Variants in MEI1 observed in about 807,000 individuals in gnomAD.
MEI1 encodes meiotic double-stranded break formation protein 1, also known as meiosis inhibitor protein 1.
MEI1 carries 103 observed loss-of-function variants against 146.2 expected under a neutral mutation model. The observed-to-expected ratio is 0.70, with a 90% CI of 0.60 to 0.83. The LOEUF is 0.83. Among genes scored for constraint, MEI1 ranks in the 40% least tolerant of loss-of-function variants. The pLI is 0.00. For synonymous variants in MEI1, 652 were observed against 628.2 expected (o/e 1.04, Z -0.57); for missense variants, 1,529 against 1,533.0 (o/e 1.00, Z 0.04).
At chr22:41,727,739 C>T (rs943489996) in intron 7 of MEI1, among the ~76,000 whole-genome samples, 29 of 152,016 alleles carry the variant, frequency 1.9e-4, no homozygotes, top group African/African-American at 6.8e-4. Flanking sequence ...GTGCATGGGG[C>T]GAAGTCTGGT....
At chr22:41,779,248 A>G (rs1423569614) in intron 22 of MEI1, among the ~76,000 whole-genome samples, 1 of 152,088 alleles carries the variant, frequency 6.6e-6, no homozygotes, top group Non-Finnish European at 1.5e-5. Context: ...GGAGTTCAAG[A>G]CCAGCCTTGG....
At chr22:41,737,805 C>T (rs970677177) in intron 11 of MEI1, among the ~76,000 whole-genome samples, 4 of 152,082 alleles carry the variant, frequency 2.6e-5, no homozygotes, top group African/African-American at 9.7e-5. Flanking sequence ...TCTGGCTCCT[C>T]ATAGGTAGTC....
At chr22:41,725,771 G>A (rs916861270) in intron 7 of MEI1, among the ~76,000 whole-genome samples, 54 of 152,138 alleles carry the variant, frequency 3.5e-4, no homozygotes, top group African/African-American at 1.1e-3. Context: ...TCCTTTAGGC[G>A]GAATGTGACC....
At chr22:41,743,499 A>G (rs1006889830) in intron 12 of MEI1, among the ~76,000 whole-genome samples, 17 of 152,208 alleles carry the variant, frequency 1.1e-4, no homozygotes, top group African/African-American at 3.9e-4. Flanking sequence ...TCTATTACAC[A>G]CATTCTCTGT....
chr22:41,762,483 T>G (rs2074557379), intron 18 of MEI1, among the ~76,000 whole-genome samples: 1 of 151,004 alleles, frequency 6.6e-6, no homozygotes, highest in Admixed American at 6.6e-5. Context: ...CCAGCGATCC[T>G]CCCATCTCAG....
chr22:41,716,155 C>T lies in MEI1; in HGVS notation c.529+9C>T, dbSNP rs367633748. 164 of 1,588,292 alleles carry T rather than the reference C, an allele frequency of 1.0e-4. 1 individual carries two copies. The East Asian group carries it at 2.5e-3, about 24-fold the overall frequency. ...GCTTGTAATGGAGCATGGTGAGTGA[C>T]CTGTGGGAGGAGCTGCCACTACCCT... On this transcript the variant is annotated intron_variant, in intron 5 of 30. Coordinates refer to ENST00000401548, the MANE Select transcript of MEI1 (RefSeq NM_152513.4).
At chr22:41,720,439 T>C (rs537822727) in intron 6 of MEI1, among the ~76,000 whole-genome samples, 7 of 152,236 alleles carry the variant, frequency 4.6e-5, no homozygotes, top group African/African-American at 1.7e-4. Context: ...TTTATTTACT[T>C]ATTTATTTTG....
In MEI1 at chr22:41,705,511, A is replaced by G; in HGVS notation, c.306A>G (p.Leu102=). The change falls in exon 3 of 31, where the codon TTA becomes TTG. Residue 102 remains leucine (L), a synonymous_variant. Coordinates refer to ENST00000401548, the MANE Select transcript of MEI1 (RefSeq NM_152513.4). ...IHFISVLFGL[L]CSMEDGSVTD... is the part of the protein sequence containing the mutation. ...ACCTCCCTCTGCTCCAAGGACTATT[A>G]TGCAGCATGGAAGATGGGAGTGTGA... The G allele has an allele frequency of 6.2e-7, 1 of 1,613,152 alleles. No homozygotes were observed. The highest frequency in any genetic ancestry group is 8.5e-7 in the Non-Finnish European group (1 of 1,179,354).
chr22:41,718,609 C>A (rs143329607), intron 6 of MEI1, among the ~76,000 whole-genome samples: 1 of 152,172 alleles, frequency 6.6e-6, no homozygotes, highest in East Asian at 1.9e-4. Flanking sequence ...AGAAATTCTT[C>A]CATGGTTCCC....
chr22:41,774,683 A>G (rs1311787743), intron 20 of MEI1, among the ~76,000 whole-genome samples: 5 of 152,198 alleles, frequency 3.3e-5, no homozygotes, highest in African/African-American at 1.2e-4. Context: ...AAACTGATTA[A>G]CCTGCCCCAG....
intron 21 of MEI1, among the ~76,000 whole-genome samples, chr22:41,777,525 G>T (rs1442099516): frequency 6.6e-6 from 1 of 152,202 alleles, no homozygotes; most frequent in Non-Finnish European, 1.5e-5. Context: ...GGGTTTGGAA[G>T]TAGATTTAAA....
intron 3 of MEI1, among the ~76,000 whole-genome samples, chr22:41,711,182 T>C (rs1240449297): frequency 6.6e-6 from 1 of 152,124 alleles, no homozygotes; most frequent in African/African-American, 2.4e-5. Context: ...TCTTTTTTTT[T>C]CTTTTTTTTT....
At chr22:41,744,775 G>A (rs13057664) in intron 12 of MEI1, among the ~76,000 whole-genome samples, 198 bp from the exon 13 acceptor site, 13,249 of 29,362 alleles carry the variant, frequency 0.45, 4,004 homozygotes, top group African/African-American at 0.72. Context: ...TGGGATTACA[G>A]GCGTGAGCCA....
At chr22:41,790,960 G>C (rs950927977) in intron 26 of MEI1, among the ~76,000 whole-genome samples, 2 of 152,192 alleles carry the variant, frequency 1.3e-5, no homozygotes, top group South Asian at 4.1e-4. Flanking sequence ...GGTGACATTT[G>C]AACTCAGCCT....
At position 41,777,907 on chromosome 22, in the gene MEI1, A is replaced by ATCTTCTTCTTTCT. The variant is rs2075546162; in HGVS notation, c.2711-789_2711-777dup. Among the ~76,000 whole-genome samples the ATCTTCTTCTTTCT allele has an allele frequency of 2.2e-5, 3 of 135,826 alleles. No homozygotes were observed. The East Asian group carries it at 6.4e-4, about 29-fold the overall frequency. The allele number at this position is 135,826 out of a possible 152,430, so 89.1% of individuals were successfully genotyped here. A position where few individuals can be genotyped will look rare whatever the true frequency, so the allele number is the denominator to read the frequency against. ...TTCCATCCATCCTTCTTTCTCCTTC[A>ATCTTCTTCTTTCT]TCTTCTTCTTTCTTCTTCTTCTTTT... is the stretch of plus-strand genomic sequence containing the variant. On this transcript the variant is annotated intron_variant, in intron 21 of 30. Transcript: ENST00000401548.
intron 17 of MEI1, among the ~76,000 whole-genome samples, chr22:41,757,134 G>C (rs371108498): frequency 3.7e-4 from 56 of 152,266 alleles, no homozygotes; most frequent in African/African-American, 1.1e-3. Flanking sequence ...TCGCTCTGTC[G>C]CCCATGCTGG....
intron 6 of MEI1, chr22:41,722,129 C>T (rs1450238842): frequency 6.6e-6 from 1 of 151,232 alleles, no homozygotes; most frequent in Non-Finnish European, 1.5e-5. Flanking sequence ...TTTCAGACAA[C>T]ACTTAAAGGT....
At chr22:41,780,687 C>T (rs2075715831) in intron 22 of MEI1, among the ~76,000 whole-genome samples, 1 of 150,818 alleles carries the variant, frequency 6.6e-6, no homozygotes, top group South Asian at 2.1e-4. Flanking sequence ...CTCAGGCGAT[C>T]CTTCCACCTC....
chr22:41,783,819 A>G (rs909566352), intron 24 of MEI1, among the ~76,000 whole-genome samples: 3 of 152,184 alleles, frequency 2.0e-5, no homozygotes, highest in Non-Finnish European at 4.4e-5. Flanking sequence ...AGCAAGAACT[A>G]CAGACACATG....
Sources: gnomAD v4.1 joint callset for allele counts (sites outside exome capture counted in the v4.1 genomes callset) on GRCh38, gnomAD v4.1.1 for gene constraint, MANE v1.5 for transcripts, NCBI Gene and HGNC (gene_info 2026-07-23, HGNC 2026-07-21) for gene names.